ZNF836: variants seen among roughly 807,000 people sequenced by gnomAD.
The protein encoded by ZNF836 is zinc finger protein 836.
ZNF836 carries 12 observed loss-of-function variants against 7.4 expected under a neutral mutation model. The ratio of observed to expected loss-of-function variants is 1.61; its 90% CI spans 1.03 to 2.61. The LOEUF (loss-of-function observed/expected upper bound fraction) is 2.61. ZNF836 is among the 30% of genes most tolerant of loss of function. The pLI is 0.00. For missense variants in ZNF836, 998 were observed against 1,126.2 expected, an observed-to-expected ratio of 0.89 and a Z score of 1.63; for synonymous variants, 365 against 382.6, an observed-to-expected ratio of 0.95 and a Z score of 0.54.
At position 52,161,221 on chromosome 19, in the gene ZNF836, G is replaced by C. The variant is rs2089210166; in HGVS notation, c.16-630C>G. ...ATCCAGATGTCTGAGAATCAGTCTT[G>C]AATCAAAAGAAACAAATGGTTAAAT... On this transcript the variant is annotated intron_variant, in intron 3 of 4. Coordinates refer to ENST00000682614, the MANE Select transcript of ZNF836 (RefSeq NM_001102657.3). This position sits in a 1 kb window ranked among gnomAD's most constrained non-coding sequence, Gnocchi z 4.1. 6.6e-6 allele frequency among the ~76,000 whole-genome samples: 1 copy of C among 152,180 alleles called. No individual in the cohort carries two copies. Among genetic ancestry groups the C allele is most frequent in the South Asian group, 2.1e-4 (1 of 4,826 alleles).
At position 52,160,703 on chromosome 19, in the gene ZNF836, C is replaced by T. The variant is rs182006233; in HGVS notation, c.16-112G>A. On this transcript the variant is annotated intron_variant, in intron 3 of 4. Transcript: ENST00000682614. Reference sequence around the variant, plus strand: ...ATTTGATTGTGTGTTTTCACATATCCATGCAAGGCATCTGTGAGAAGGTTA... The same window carrying T: ...ATTTGATTGTGTGTTTTCACATATCTATGCAAGGCATCTGTGAGAAGGTTA... 1.2e-4 allele frequency: 161 copies of T among 1,320,426 alleles called. No homozygotes were observed. In the East Asian group the frequency reaches 2.7e-3, roughly 22 times the overall value. 81.8% of individuals were successfully genotyped at this position (1,320,426 alleles called of 1,614,324 possible). A position where few individuals can be genotyped will look rare whatever the true frequency, so the allele number is the denominator to read the frequency against.
chr19:52,160,931 A>ATGACAATGTCCATAGAAGCTT (rs2089207937), intron 3 of ZNF836, among the ~76,000 whole-genome samples: 3 of 152,352 alleles, frequency 2.0e-5, no homozygotes, highest in Admixed American at 1.3e-4. Flanking sequence ...TGTCTTGGAG[A>ATGACAATGTCCATAGAAGCTT]TGACAATGTC....
chr19:52,169,128 A>C (rs777474093), intron 2 of ZNF836, among the ~76,000 whole-genome samples: 1 of 152,250 alleles, frequency 6.6e-6, no homozygotes, highest in Non-Finnish European at 1.5e-5. Flanking sequence ...TAAAAAAATG[A>C]CAATACTTAA....
At chr19:52,167,947 C>T in intron 3 of ZNF836, 111 bp downstream of exon 3, 2 of 791,112 alleles carry the variant, frequency 2.5e-6, no homozygotes, top group Admixed American at 2.1e-5. Flanking sequence ...GGGTGAATGG[C>T]AGCAAACGTG....
rs2089209574 is a variant in ZNF836 at position 52,161,110 on chromosome 19, C to T, written c.16-519G>A. ...ATAGAGAGATAGAGAGATTTGTTCC[C>T]ATGTTACTAGGAGACAACTATGTCA... On this transcript the variant is annotated intron_variant, in intron 3 of 4. Coordinates refer to ENST00000682614, the MANE Select transcript of ZNF836 (RefSeq NM_001102657.3). The surrounding 1 kb of genome is among the most constrained non-coding windows in gnomAD (Gnocchi z 4.1). Among the ~76,000 whole-genome samples the T allele has an allele frequency of 6.6e-6, 1 of 152,184 alleles. No homozygotes were observed. Among genetic ancestry groups the T allele is most frequent in the Non-Finnish European group, 1.5e-5 (1 of 68,040 alleles).
At position 52,156,506 on chromosome 19, in the gene ZNF836, T is replaced by C. The variant is rs774381946; in HGVS notation, c.1177A>G (p.Lys393Glu). 9.3e-6 allele frequency: 15 copies of C among 1,614,236 alleles called. No homozygotes were observed. The highest frequency in any genetic ancestry group is 1.3e-5 in the Non-Finnish European group (15 of 1,180,048). ...EKPYKCNICGKSFSQSSNLAT... is the reference protein window; with the variant it reads ...EKPYKCNICGESFSQSSNLAT... ...AGGTTGGAACTTTGACTAAAGGACT[T>C]TCCACATATGTTGCATTTGTATGGT... is the stretch of plus-strand genomic sequence containing the variant. The change falls in exon 5 of 5, where the codon AAG (lysine) becomes GAG (glutamate). Residue 393 changes from lysine to glutamate, a missense_variant. Lys to Glu is a moderately conservative substitution (Grantham distance 56). Coordinates refer to ENST00000682614, the MANE Select transcript of ZNF836 (RefSeq NM_001102657.3).
At position 52,166,737 on chromosome 19, in the gene ZNF836, C is replaced by A. The variant is rs796513951; in HGVS notation, c.15+1321G>T. Among the ~76,000 whole-genome samples, 140 of 151,240 alleles carry A rather than the reference C, an allele frequency of 9.3e-4. 1 individual carries two copies. The highest frequency in any genetic ancestry group is 3.3e-3 in the African/African-American group (134 of 40,926). ...TACAGGCCCCCGCCACCACGCCCAG[C>A]TAATTTTTTTTTTTTTATTTTTTAG... On this transcript the variant is annotated intron_variant, in intron 3 of 4. Coordinates refer to ENST00000682614, the MANE Select transcript of ZNF836 (RefSeq NM_001102657.3).
chr19:52,164,505 GAAA>G (rs1251945177), intron 3 of ZNF836, among the ~76,000 whole-genome samples: 12 of 148,844 alleles, frequency 8.1e-5, no homozygotes, highest in African/African-American at 3.0e-4. Flanking sequence ...AAGAGAGAAA[GAAA>G]GAAAGACTAG....
Position 52,161,537 on chromosome 19 carries a change from C to A in ZNF836, c.16-946G>T, listed in dbSNP as rs1418061020. On this transcript the variant is annotated intron_variant, in intron 3 of 4. Transcript: ENST00000682614. The surrounding 1 kb of genome is among the most constrained non-coding windows in gnomAD (Gnocchi z 4.1). ...TTTGATATCTCATTGACGAGAACACCATACCCACTGATAAAGGCAGACTTC... is the reference window on the plus strand; with the variant it reads ...TTTGATATCTCATTGACGAGAACACAATACCCACTGATAAAGGCAGACTTC... Among the ~76,000 whole-genome samples, 2 of 151,982 alleles carry A rather than the reference C, an allele frequency of 1.3e-5. No homozygotes were observed. The highest frequency in any genetic ancestry group is 3.9e-4 in the East Asian group (2 of 5,178).
intron 3 of ZNF836, among the ~76,000 whole-genome samples, chr19:52,162,575 A>C (rs1023294116): frequency 1.3e-5 from 2 of 152,202 alleles, no homozygotes; most frequent in Non-Finnish European, 2.9e-5. Context: ...GTATATTTGG[A>C]AGAAGGGGCC....
chr19:52,166,117 G>A (rs780774090), intron 3 of ZNF836, among the ~76,000 whole-genome samples: 2 of 151,686 alleles, frequency 1.3e-5, no homozygotes, highest in Non-Finnish European at 2.9e-5. Context: ...TCAGCCTCCC[G>A]AGTAGCTGGA....
At chr19:52,163,433 G>C (rs547260714) in intron 3 of ZNF836, among the ~76,000 whole-genome samples, 21 of 152,270 alleles carry the variant, frequency 1.4e-4, no homozygotes, top group Non-Finnish European at 2.1e-4. Flanking sequence ...TGAACAATTT[G>C]CTTTGAGAGT....
chr19:52,167,962 G>A, intron 3 of ZNF836, 96 bp downstream of exon 3: 1 of 900,186 alleles, frequency 1.1e-6, no homozygotes, highest in Non-Finnish European at 1.8e-6. Context: ...AACGTGTCAG[G>A]CAGGATGCTT....
intron 4 of ZNF836, among the ~76,000 whole-genome samples, chr19:52,158,572 G>A (rs886333009): frequency 4.6e-5 from 7 of 151,786 alleles, no homozygotes; most frequent in African/African-American, 9.7e-5. Context: ...ATGAAACCCC[G>A]TCTCTACTAA....
Position 52,168,150 on chromosome 19 carries a change from A to C in ZNF836, c.-78T>G, listed in dbSNP as rs2089281892. On this transcript the variant is annotated splice_region_variant and 5_prime_UTR_variant, in exon 3 of 5. The change creates a new upstream start codon in the 5' untranslated region. Transcript: ENST00000682614. ...AATATAATTAATTCTTTACAAGTCA[A>C]ATCTGAAAGTGAAAAATCTGTTGTT... 1 of 1,562,708 alleles carries C rather than the reference A, an allele frequency of 6.4e-7. No individual in the cohort carries two copies. The highest frequency in any genetic ancestry group is 8.6e-7 in the Non-Finnish European group (1 of 1,158,614).
chr19:52,158,754 C>T (rs904727420), intron 4 of ZNF836, among the ~76,000 whole-genome samples: 1 of 152,000 alleles, frequency 6.6e-6, no homozygotes, highest in African/African-American at 2.4e-5. Context: ...GAAAAACAAA[C>T]AAACAAACAA....
chr19:52,154,822 A>G lies in ZNF836; in HGVS notation c.*50T>C. The G allele has an allele frequency of 7.0e-7, 1 of 1,421,974 alleles. No individual in the cohort carries two copies. Among genetic ancestry groups the G allele is most frequent in the Non-Finnish European group, 9.3e-7 (1 of 1,074,566 alleles). 88.1% of individuals were successfully genotyped at this position (1,421,974 alleles called of 1,614,324 possible). On this transcript the variant is annotated 3_prime_UTR_variant, in exon 5 of 5. Transcript: ENST00000682614. ...ATAAAGGGGATTAAAATTCCACATG[A>G]GATTTCAGACGGAAGTGACAAATAT...
chr19:52,155,697 TC>T lies in ZNF836; in HGVS notation c.1985del (p.Gly662GlufsTer24). 6.2e-7 allele frequency: 1 copy of T among 1,614,150 alleles called. No homozygotes were observed. Among genetic ancestry groups the T allele is most frequent in the African/African-American group, 1.3e-5 (1 of 75,042 alleles). On this transcript the variant is annotated frameshift_variant, in exon 5 of 5. Coordinates refer to ENST00000682614, the MANE Select transcript of ZNF836 (RefSeq NM_001102657.3). LOFTEE classifies it low-confidence loss of function (END_TRUNC). ...CLARHRKIHT[G>X]EKPYKCNDCG... ...AATCATTACATTTGTAAGGTTTCTC[TC>T]CGGTATGAATTTTCCGATGACGTGC...
intron 1 of ZNF836, among the ~76,000 whole-genome samples, chr19:52,170,086 C>T (rs2089296557): frequency 6.6e-6 from 1 of 152,146 alleles, no homozygotes; most frequent in Non-Finnish European, 1.5e-5. Context: ...ATTACAACCA[C>T]CATCCATATC....
Sources: allele counts gnomAD v4.1 joint callset (sites outside exome capture counted in the v4.1 genomes callset), GRCh38; gene constraint gnomAD v4.1.1; non-coding constraint Gnocchi (gnomAD v3.1); transcripts MANE v1.5; gene names NCBI Gene and HGNC (gene_info 2026-07-23, HGNC 2026-07-21).